The following EPHA6 variants were observed in gnomAD, a reference collection of about 807,000 sequenced individuals.
EPHA6 encodes the protein EPH receptor A6.
Under a neutral mutation model 112.0 loss-of-function variants are expected in EPHA6, and 50 were observed. The ratio of observed to expected loss-of-function variants is 0.45; its 90% CI spans 0.36 to 0.56. The LOEUF is 0.56. Among genes scored for constraint, EPHA6 ranks in the 20% least tolerant of loss-of-function variants. The probability of loss-of-function intolerance (pLI) is 0.00; values close to 1 mark genes in which losing one functional copy is unlikely to be tolerated. For missense variants in EPHA6, 1,280 were observed against 1,417.4 expected (o/e 0.90, Z 1.56); for synonymous variants, 529 against 490.7 (o/e 1.08, Z -1.03).
intron 5 of EPHA6, among the ~76,000 whole-genome samples, chr3:97,320,427 G>T (rs2082055105): frequency 6.6e-6 from 1 of 151,820 alleles, no homozygotes; most frequent in Admixed American, 6.6e-5. Context: ...AAATACACCA[G>T]ATGACTAACC....
intron 5 of EPHA6, among the ~76,000 whole-genome samples, chr3:97,355,683 A>G (rs901053365): frequency 2.0e-5 from 3 of 152,252 alleles, no homozygotes; most frequent in African/African-American, 7.2e-5. Flanking sequence ...TTACTTACCA[A>G]TAACAACATT....
chr3:96,943,159 A>G (rs1273359867), intron 2 of EPHA6, among the ~76,000 whole-genome samples: 1 of 152,154 alleles, frequency 6.6e-6, no homozygotes, highest in Non-Finnish European at 1.5e-5. Flanking sequence ...AGCAAATGAC[A>G]GGATTTCATT....
chr3:97,176,295 T>C (rs1025543505), intron 3 of EPHA6, among the ~76,000 whole-genome samples: 2 of 151,976 alleles, frequency 1.3e-5, no homozygotes, highest in African/African-American at 4.8e-5. Context: ...TGAATTCAGT[T>C]TGCTAGTGTT....
At chr3:96,839,887 T>G (rs1220584922) in intron 1 of EPHA6, among the ~76,000 whole-genome samples, 1 of 152,032 alleles carries the variant, frequency 6.6e-6, no homozygotes, top group African/African-American at 2.4e-5. Flanking sequence ...AGTAATCCAG[T>G]TAAAAAAATA....
At chr3:97,221,139 C>T (rs2078182319) in intron 3 of EPHA6, among the ~76,000 whole-genome samples, 3 of 151,442 alleles carry the variant, frequency 2.0e-5, no homozygotes, top group Admixed American at 2.0e-4. Flanking sequence ...ACGGTGAAAC[C>T]TCGACTCTAC....
intron 3 of EPHA6, among the ~76,000 whole-genome samples, chr3:97,150,651 G>C (rs1021731): frequency 6.6e-6 from 1 of 151,954 alleles, no homozygotes; most frequent in South Asian, 2.1e-4. Context: ...CTCTGATCCA[G>C]GGATCTCATG....
At chr3:97,717,523 A>T (rs1013053947) in intron 14 of EPHA6, among the ~76,000 whole-genome samples, 4 of 152,142 alleles carry the variant, frequency 2.6e-5, no homozygotes, top group Non-Finnish European at 4.4e-5. Context: ...CTTCTTGAGG[A>T]TGGCCTCAAA....
At chr3:97,396,941 T>G (rs144829729) in intron 5 of EPHA6, among the ~76,000 whole-genome samples, 2 of 151,840 alleles carry the variant, frequency 1.3e-5, no homozygotes, top group Non-Finnish European at 3.0e-5. Flanking sequence ...CCCTAAACAT[T>G]TTTTTTCTTC....
intron 3 of EPHA6, among the ~76,000 whole-genome samples, chr3:97,044,616 A>G (rs1024296795): frequency 2.6e-5 from 4 of 152,094 alleles, no homozygotes; most frequent in Non-Finnish European, 5.9e-5. Context: ...TTTAACTAAT[A>G]AAAGAGGGAA....
At chr3:97,251,358 G>A (rs532871868) in intron 5 of EPHA6, among the ~76,000 whole-genome samples, 4 of 151,776 alleles carry the variant, frequency 2.6e-5, no homozygotes, top group East Asian at 2.0e-4. Context: ...GTGAAACCCC[G>A]TCTCTACTAA....
chr3:97,066,394 G>A (rs1198789519), intron 3 of EPHA6, among the ~76,000 whole-genome samples: 1 of 151,854 alleles, frequency 6.6e-6, no homozygotes, highest in South Asian at 2.1e-4. Context: ...ATTAATTAAA[G>A]GTACTTTTAT....
At chr3:97,268,082 T>G (rs1293022681) in intron 5 of EPHA6, among the ~76,000 whole-genome samples, 1 of 151,986 alleles carries the variant, frequency 6.6e-6, no homozygotes, top group Non-Finnish European at 1.5e-5. Context: ...ATACAAAGAG[T>G]GTTGGATTCC....
chr3:97,330,197 A>G (rs2082713625), intron 5 of EPHA6, among the ~76,000 whole-genome samples: 1 of 152,098 alleles, frequency 6.6e-6, no homozygotes, highest in African/African-American at 2.4e-5. Context: ...TGGTACCAGT[A>G]CCATGCTGTT....
At chr3:97,245,761 G>T (rs2078970866) in intron 5 of EPHA6, among the ~76,000 whole-genome samples, 2 of 151,788 alleles carry the variant, frequency 1.3e-5, no homozygotes, top group South Asian at 4.1e-4. Context: ...AGGGAGGACT[G>T]TGATGATAGT....
intron 5 of EPHA6, among the ~76,000 whole-genome samples, chr3:97,280,411 T>A (rs1002523706): frequency 2.0e-5 from 3 of 152,210 alleles, no homozygotes; most frequent in Non-Finnish European, 4.4e-5. Context: ...CCAAGAACAT[T>A]TTAAAGACAT....
chr3:97,703,481 A>G (rs977444826), intron 14 of EPHA6, among the ~76,000 whole-genome samples: 1 of 152,232 alleles, frequency 6.6e-6, no homozygotes, highest in Non-Finnish European at 1.5e-5. Context: ...TTAATGCTGT[A>G]AAAGTTGTTT....
chr3:97,412,252 T>A (rs1272758349), intron 6 of EPHA6, among the ~76,000 whole-genome samples: 1 of 152,096 alleles, frequency 6.6e-6, no homozygotes, highest in Non-Finnish European at 1.5e-5. Flanking sequence ...ATTGTAGAAT[T>A]TCAGTCCCAG....
chr3:96,892,954 A>ATATG lies in EPHA6; in HGVS notation c.450+26066_450+26067insATGT, dbSNP rs1420399065. 5.4e-3 allele frequency among the ~76,000 whole-genome samples: 719 copies of ATATG among 132,392 alleles called. 3 individuals are homozygous for ATATG. The highest frequency in any genetic ancestry group is 0.016 in the African/African-American group (577 of 37,152). 86.9% of individuals were successfully genotyped at this position (132,392 alleles called of 152,430 possible). A position where few individuals can be genotyped will look rare whatever the true frequency, so the allele number is the denominator to read the frequency against. On this transcript the variant is annotated intron_variant, in intron 2 of 17. Transcript: ENST00000389672. ...CTGATTCCAACTTATATATATATATATGTGTGTGTGTGTGTGTGTGTGTGT... is the reference window on the plus strand; with the variant it reads ...CTGATTCCAACTTATATATATATATATATGTGTGTGTGTGTGTGTGTGTGTGTGT...
intron 2 of EPHA6, among the ~76,000 whole-genome samples, chr3:96,938,556 A>T (rs1480802345): frequency 2.6e-5 from 4 of 152,226 alleles, no homozygotes; most frequent in Non-Finnish European, 5.9e-5. Flanking sequence ...ATCTGCAAAC[A>T]GGGACAATTT....
Sources: allele counts gnomAD v4.1 joint callset (sites outside exome capture counted in the v4.1 genomes callset), GRCh38; gene constraint gnomAD v4.1.1; transcripts MANE v1.5; gene names NCBI Gene and HGNC (gene_info 2026-07-23, HGNC 2026-07-21).